The following RBFOX1 variants were observed in gnomAD, a reference collection of about 807,000 sequenced individuals.
The protein encoded by RBFOX1 is RNA binding fox-1 homolog 1.
RBFOX1 carries 8 observed loss-of-function variants against 57.7 expected under a neutral mutation model. The observed-to-expected ratio is 0.14, with a 90% CI of 0.08 to 0.25. The LOEUF is 0.25. Among genes scored for constraint, RBFOX1 ranks in the 10% least tolerant of loss-of-function variants. The pLI, the probability that RBFOX1 is intolerant of heterozygous loss-of-function variation, is 1.00. For synonymous variants in RBFOX1, 326 were observed against 222.4 expected (o/e 1.47, Z -4.15); for missense variants, 611 against 548.5 (o/e 1.11, Z -1.14).
chr16:6,302,594 C>A (rs1038282866), intron 1 of RBFOX1, among the ~76,000 whole-genome samples: 4 of 152,124 alleles, frequency 2.6e-5, no homozygotes, highest in African/African-American at 7.2e-5. Flanking sequence ...CATATGTACA[C>A]TTTTGAGGTA....
chr16:6,776,674 G>C (rs181257780), intron 3 of RBFOX1, among the ~76,000 whole-genome samples: 6 of 152,052 alleles, frequency 3.9e-5, no homozygotes, highest in South Asian at 2.1e-4. Flanking sequence ...TTATTATAAA[G>C]GTAACAAGGT....
chr16:5,474,127 C>T (rs1268434947), intron 2 of RBFOX1, among the ~76,000 whole-genome samples: 1 of 152,086 alleles, frequency 6.6e-6, no homozygotes, highest in African/African-American at 2.4e-5. Context: ...TATTCCAAAG[C>T]AAATAAGAAT....
intron 4 of RBFOX1, among the ~76,000 whole-genome samples, chr16:7,428,494 T>TTTATTA (rs71147697): frequency 0.071 from 9,124 of 128,530 alleles, 349 homozygotes; most frequent in East Asian, 0.12. Context: ...TCCTGGCTAT[T>TTTATTA]TTATTATTAT....
chr16:6,013,840 T>A (rs894766620), intron 4 of RBFOX1, among the ~76,000 whole-genome samples: 2 of 152,022 alleles, frequency 1.3e-5, no homozygotes, highest in African/African-American at 4.8e-5. Flanking sequence ...GAAACCATCA[T>A]TCTCAGCAAA....
intron 5 of RBFOX1, among the ~76,000 whole-genome samples, chr16:7,542,613 G>C (rs1296101974): frequency 6.6e-6 from 1 of 150,566 alleles, no homozygotes; most frequent in East Asian, 2.0e-4. Context: ...CCAGCACTTT[G>C]GGAGGCCAAG....
chr16:7,284,988 C>T (rs186860589), intron 4 of RBFOX1, among the ~76,000 whole-genome samples: 3 of 151,728 alleles, frequency 2.0e-5, no homozygotes, highest in South Asian at 2.1e-4. Context: ...CTCATCCCTC[C>T]GTTGCCCAAT....
intron 4 of RBFOX1, among the ~76,000 whole-genome samples, chr16:7,054,984 C>T (rs151041614): frequency 6.6e-6 from 1 of 152,110 alleles, no homozygotes; most frequent in Admixed American, 6.5e-5. Flanking sequence ...GTATCCAATA[C>T]TTGGTGTTAG....
At position 7,158,427 on chromosome 16, in the gene RBFOX1, A is replaced by T. The variant is rs143566464; in HGVS notation, c.27+106329A>T. 1.3e-3 allele frequency among the ~76,000 whole-genome samples: 202 copies of T among 152,320 alleles called. 1 individual carries two copies. The highest frequency in any genetic ancestry group is 4.6e-3 in the African/African-American group (193 of 41,566). On this transcript the variant is annotated intron_variant, in intron 4 of 15. Coordinates refer to ENST00000550418, the MANE Select transcript of RBFOX1 (RefSeq NM_018723.4). Reference sequence around the variant, plus strand: ...TGATGTAGAAAGATATACTGGTCTTATACAGACATTGATACCACCTACTGA... The same window carrying T: ...TGATGTAGAAAGATATACTGGTCTTTTACAGACATTGATACCACCTACTGA...
At chr16:5,560,838 C>G (rs4786709) in intron 2 of RBFOX1, among the ~76,000 whole-genome samples, 73,393 of 151,890 alleles carry the variant, frequency 0.48, 18,020 homozygotes, top group African/African-American at 0.55. Context: ...TTCACACTGT[C>G]CACCCATCCT....
intron 5 of RBFOX1, among the ~76,000 whole-genome samples, chr16:7,571,198 C>G (rs2092734415): frequency 7.0e-6 from 1 of 143,810 alleles, no homozygotes; most frequent in South Asian, 2.5e-4. Context: ...CACATGTACT[C>G]CAGAACTTAA....
chr16:6,707,331 C>T (rs550095922), intron 3 of RBFOX1, among the ~76,000 whole-genome samples: 12 of 152,288 alleles, frequency 7.9e-5, no homozygotes, highest in African/African-American at 2.9e-4. Flanking sequence ...CTAGGTAACA[C>T]ACAATGAACA....
chr16:6,615,793 ACAG>A (rs976360548), intron 2 of RBFOX1, among the ~76,000 whole-genome samples: 19 of 152,258 alleles, frequency 1.2e-4, no homozygotes, highest in African/African-American at 4.3e-4. Flanking sequence ...TCTGCCATTA[ACAG>A]CAGATGGATG....
intron 2 of RBFOX1, among the ~76,000 whole-genome samples, chr16:6,343,685 GT>G (rs1444707152): frequency 6.6e-6 from 1 of 152,158 alleles, no homozygotes; most frequent in African/African-American, 2.4e-5. Flanking sequence ...GCTAGCTACT[GT>G]TTAAAAATTA....
intron 1 of RBFOX1, among the ~76,000 whole-genome samples, chr16:6,231,453 A>G (rs1046489136): frequency 1.3e-5 from 2 of 152,160 alleles, no homozygotes; most frequent in African/African-American, 4.8e-5. Flanking sequence ...AAAGATAAGG[A>G]TAGGGAGCCT....
At chr16:6,699,819 G>A (rs2061562625) in intron 3 of RBFOX1, among the ~76,000 whole-genome samples, 1 of 152,120 alleles carries the variant, frequency 6.6e-6, no homozygotes, top group Non-Finnish European at 1.5e-5. Context: ...AACTCATGAT[G>A]GTTGTATGTA....
chr16:5,884,691 A>C (rs904204445), intron 4 of RBFOX1, among the ~76,000 whole-genome samples: 1 of 152,034 alleles, frequency 6.6e-6, no homozygotes, highest in Non-Finnish European at 1.5e-5. Flanking sequence ...CAAGTTTCTT[A>C]ATGTACTTTT....
intron 1 of RBFOX1, among the ~76,000 whole-genome samples, chr16:6,046,045 C>G (rs921077609): frequency 6.6e-6 from 1 of 152,136 alleles, no homozygotes; most frequent in Non-Finnish European, 1.5e-5. Context: ...ACTTTGAGTG[C>G]TTTTCTAAGC....
chr16:7,157,283 T>C (rs2077349396), intron 4 of RBFOX1, among the ~76,000 whole-genome samples: 1 of 152,172 alleles, frequency 6.6e-6, no homozygotes, highest in Admixed American at 6.6e-5. Context: ...AAGAAGACCA[T>C]ATGCTTGATT....
intron 2 of RBFOX1, among the ~76,000 whole-genome samples, chr16:5,483,370 C>G (rs1250226821): frequency 6.6e-6 from 1 of 152,220 alleles, no homozygotes; most frequent in Non-Finnish European, 1.5e-5. Context: ...GCTGCTCTTT[C>G]CCACGCTTGC....
Sources: gnomAD v4.1 joint callset for allele counts (sites outside exome capture counted in the v4.1 genomes callset) on GRCh38, gnomAD v4.1.1 for gene constraint, MANE v1.5 for transcripts, NCBI Gene and HGNC (gene_info 2026-07-23, HGNC 2026-07-21) for gene names.